The following TLK1 variants were observed in gnomAD, a reference collection of about 807,000 sequenced individuals.
The protein encoded by TLK1 is serine/threonine-protein kinase tousled-like 1.
TLK1 carries 24 observed loss-of-function variants against 105.3 expected under a neutral mutation model. The ratio of observed to expected loss-of-function variants is 0.23; its 90% CI spans 0.17 to 0.32. The LOEUF (loss-of-function observed/expected upper bound fraction) is 0.32. Ranked by LOEUF, TLK1 falls within the 10% of genes least tolerant of loss-of-function variation. TLK1 has a pLI of 1.00. For missense variants in TLK1, 558 were observed against 910.5 expected (o/e 0.61, Z 4.98); for synonymous variants, 321 against 310.4 (o/e 1.03, Z -0.36).
intron 2 of TLK1, among the ~76,000 whole-genome samples, chr2:171,102,674 A>C (rs1181669188): frequency 6.6e-6 from 1 of 152,230 alleles, no homozygotes; most frequent in Non-Finnish European, 1.5e-5. Context: ...TAACTGCCTT[A>C]TCTTCTTTGT....
intron 1 of TLK1, among the ~76,000 whole-genome samples, chr2:171,155,124 C>A (rs1219178900): frequency 5.3e-5 from 8 of 152,220 alleles, no homozygotes; most frequent in African/African-American, 1.9e-4. Flanking sequence ...CTTTCTTCTT[C>A]CCTCTTTTCA....
chr2:171,126,801 A>T (rs2105547744), intron 1 of TLK1, among the ~76,000 whole-genome samples: 1 of 152,008 alleles, frequency 6.6e-6, no homozygotes, highest in South Asian at 2.1e-4. Flanking sequence ...TTTATAGAGA[A>T]CAGTTAAAGC....
Position 171,014,934 on chromosome 2 carries a change from G to C in TLK1, c.1251C>G (p.Ile417Met). 1 of 1,613,462 alleles carries C rather than the reference G, an allele frequency of 6.2e-7. No homozygotes were observed. The highest frequency in any genetic ancestry group is 2.2e-5 in the East Asian group (1 of 44,856). The stretch of plus-strand genomic sequence containing the variant: ...TTTCCAAACGTTCAAGTTCTGCCTG[G>C]ATTTCTGCCTCTTCCTGAAAATGAA... ...LGHLKKEEAE[I>M]QAELERLERV... The change falls in exon 13 of 21, where the codon ATC becomes ATG. Residue 417 changes from isoleucine to methionine, a missense_variant. Physicochemically the swap from Ile to Met is conservative, Grantham distance 10. Coordinates refer to ENST00000431350, the MANE Select transcript of TLK1 (RefSeq NM_012290.5).
chr2:171,149,249 A>C (rs529841941), intron 1 of TLK1, among the ~76,000 whole-genome samples: 93 of 151,886 alleles, frequency 6.1e-4, no homozygotes, highest in African/African-American at 2.1e-3. Flanking sequence ...GCAGCAGAAG[A>C]AGAAGAAAAG....
intron 3 of TLK1, among the ~76,000 whole-genome samples, chr2:171,072,031 T>C (rs1407356023): frequency 1.3e-5 from 2 of 152,252 alleles, no homozygotes; most frequent in Admixed American, 1.3e-4. Context: ...TCAGGTAATG[T>C]GATTCGTCTG....
chr2:171,177,136 C>G (rs1043235075), intron 1 of TLK1, among the ~76,000 whole-genome samples: 3 of 144,978 alleles, frequency 2.1e-5, no homozygotes, highest in African/African-American at 7.7e-5. Flanking sequence ...CCTGACTCCT[C>G]TTTTCTTTTT....
intron 1 of TLK1, among the ~76,000 whole-genome samples, chr2:171,150,176 T>C (rs1325923906): frequency 6.6e-6 from 1 of 152,146 alleles, no homozygotes; most frequent in South Asian, 2.1e-4. Context: ...ATGCCTGCTG[T>C]TGGTATATGA....
intron 4 of TLK1, among the ~76,000 whole-genome samples, chr2:171,060,831 T>C (rs758865967): frequency 2.0e-5 from 3 of 152,072 alleles, no homozygotes; most frequent in Admixed American, 6.5e-5. Flanking sequence ...ATATAAAGAA[T>C]GAAAAATGAA....
intron 1 of TLK1, among the ~76,000 whole-genome samples, chr2:171,171,671 G>C (rs1175376389): frequency 6.6e-6 from 1 of 151,848 alleles, no homozygotes; most frequent in Non-Finnish European, 1.5e-5. Context: ...TTGAACAGTT[G>C]CTTCACAAAA....
chr2:171,051,932 A>G (rs1285111348), intron 8 of TLK1, among the ~76,000 whole-genome samples: 1 of 152,190 alleles, frequency 6.6e-6, no homozygotes, highest in Admixed American at 6.5e-5. Context: ...GAAACCCTAC[A>G]TCATGCCATA....
intron 12 of TLK1, among the ~76,000 whole-genome samples, chr2:171,023,352 G>A (rs1178786434): frequency 1.3e-5 from 2 of 151,748 alleles, no homozygotes; most frequent in Admixed American, 1.3e-4. Flanking sequence ...AATTGGTTAT[G>A]TTTTTCAAAT....
At chr2:171,059,505 T>C (rs570269115) in intron 4 of TLK1, among the ~76,000 whole-genome samples, 1 of 152,320 alleles carries the variant, frequency 6.6e-6, no homozygotes, top group Non-Finnish European at 1.5e-5. Flanking sequence ...TAATTCCATT[T>C]CCAGGTTCAA....
intron 2 of TLK1, among the ~76,000 whole-genome samples, chr2:171,113,404 G>C (rs939051063): frequency 6.6e-6 from 1 of 151,774 alleles, no homozygotes; most frequent in Admixed American, 6.6e-5. Context: ...CCAAGTAGCT[G>C]GGATTACAGG....
At chr2:171,096,849 A>C (rs895681688) in intron 2 of TLK1, among the ~76,000 whole-genome samples, 1 of 152,212 alleles carries the variant, frequency 6.6e-6, no homozygotes, top group Admixed American at 6.6e-5. Context: ...ATACAAATGG[A>C]AAGATATCCT....
intron 11 of TLK1, among the ~76,000 whole-genome samples, chr2:171,043,430 A>G (rs1686787131): frequency 1.3e-5 from 2 of 152,210 alleles, no homozygotes; most frequent in South Asian, 4.1e-4. Flanking sequence ...TTTATAAGCC[A>G]TATTAGGACT....
intron 1 of TLK1, among the ~76,000 whole-genome samples, chr2:171,174,713 C>T (rs1170647839): frequency 1.3e-5 from 2 of 152,170 alleles, no homozygotes; most frequent in Non-Finnish European, 2.9e-5. Context: ...TAGGAATTCA[C>T]TAAATGAAAG....
chr2:171,202,667 T>G (rs556328634), intron 1 of TLK1, among the ~76,000 whole-genome samples: 1 of 151,702 alleles, frequency 6.6e-6, no homozygotes, highest in Non-Finnish European at 1.5e-5. Flanking sequence ...TGAGGCAGGA[T>G]AATGGCTTGA....
intron 2 of TLK1, among the ~76,000 whole-genome samples, chr2:171,096,080 T>A (rs1689439873): frequency 6.6e-6 from 1 of 151,988 alleles, no homozygotes; most frequent in Non-Finnish European, 1.5e-5. Flanking sequence ...AAAGAATAAA[T>A]AAAATTATCT....
At chr2:171,187,903 A>G (rs558990480) in intron 1 of TLK1, among the ~76,000 whole-genome samples, 4 of 152,344 alleles carry the variant, frequency 2.6e-5, no homozygotes, top group Non-Finnish European at 4.4e-5. Context: ...ATACCAATAA[A>G]AGAACAGAGT....
Sources: gnomAD v4.1 joint callset for allele counts (sites outside exome capture counted in the v4.1 genomes callset) on GRCh38, gnomAD v4.1.1 for gene constraint, MANE v1.5 for transcripts, NCBI Gene and HGNC (gene_info 2026-07-23, HGNC 2026-07-21) for gene names.